ADAM17: variants seen among roughly 807,000 people sequenced by gnomAD.
ADAM17 encodes ADAM metallopeptidase domain 17.
Under a neutral mutation model 96.7 loss-of-function variants are expected in ADAM17, and 39 were observed. That is an observed-to-expected ratio of 0.40 (90% CI 0.31 to 0.53). ADAM17 has a LOEUF of 0.53. Among genes scored for constraint, ADAM17 ranks in the 20% least tolerant of loss-of-function variants. ADAM17 has a pLI of 0.44. For synonymous variants in ADAM17, 344 were observed against 359.2 expected (o/e 0.96, Z 0.48); for missense variants, 777 against 1,013.2 (o/e 0.77, Z 3.17).
Position 9,495,451 on chromosome 2 carries a change from G to A in ADAM17, c.1784-684C>T, listed in dbSNP as rs147279305. ...GAAAAGGCCGGGAGCAGTGGCTCTC[G>A]CTTGTAATCCCAGCACTTTGGGAGG... On this transcript the variant is annotated intron_variant, in intron 14 of 18. Coordinates refer to ENST00000310823, the MANE Select transcript of ADAM17 (RefSeq NM_003183.6). Among the ~76,000 whole-genome samples, 405 of 152,310 alleles carry A rather than the reference G, an allele frequency of 2.7e-3. 1 individual carries two copies. Among genetic ancestry groups the A allele is most frequent in the African/African-American group, 9.2e-3 (383 of 41,574 alleles).
At position 9,489,725 on chromosome 2, in the gene ADAM17, CAAA is replaced by C. The variant is rs548548539; in HGVS notation, c.*449_*451del. ...TATCTCCTTTGTTTTTAGTTGAAGG[CAAA>C]AAAAAAAAAAAAAAAAAAAAACTAT... On this transcript the variant is annotated 3_prime_UTR_variant, in exon 19 of 19. Coordinates refer to ENST00000310823, the MANE Select transcript of ADAM17 (RefSeq NM_003183.6). 0.061 allele frequency: 4,771 copies of C among 78,226 alleles called. 45 individuals carry two copies. Among genetic ancestry groups the C allele is most frequent in the Non-Finnish European group, 0.069 (2,945 of 42,572 alleles). The allele number at this position is 78,226 out of a possible 1,614,324, so 4.8% of individuals were successfully genotyped here. A position where few individuals can be genotyped will look rare whatever the true frequency, so the allele number is the denominator to read the frequency against.
rs185236085 is a variant in ADAM17, at chr2:9,502,315, T to G, written c.1545-39A>C. 2,145 of 1,525,252 alleles carry G rather than the reference T, an allele frequency of 1.4e-3. 12 individuals are homozygous for G. The highest frequency in any genetic ancestry group is 8.0e-4 in the Non-Finnish European group (881 of 1,104,190). 94.5% of individuals were successfully genotyped at this position (1,525,252 alleles called of 1,614,324 possible). A position where few individuals can be genotyped will look rare whatever the true frequency, so the allele number is the denominator to read the frequency against. On this transcript the variant is annotated intron_variant, in intron 12 of 18. Transcript: ENST00000310823. The stretch of plus-strand genomic sequence containing the variant: ...GCAGACAGGAACAGAGCAATTCAAA[T>G]TATGGCCCCATATCAAATCAAACGC...
intron 4 of ADAM17, among the ~76,000 whole-genome samples, chr2:9,535,198 G>A (rs571859901): frequency 2.0e-5 from 3 of 152,172 alleles, no homozygotes; most frequent in East Asian, 1.9e-4. Flanking sequence ...TTTCCCACAG[G>A]TGATCTATTT....
intron 11 of ADAM17, chr2:9,506,648 GCCA>G (rs981945743): frequency 1.3e-5 from 2 of 152,442 alleles, no homozygotes; most frequent in African/African-American, 2.4e-5. Context: ...ACAGGCGTGA[GCCA>G]CCGCGCCCGG....
chr2:9,516,075 T>C (rs1664042270), intron 10 of ADAM17, among the ~76,000 whole-genome samples: 1 of 152,094 alleles, frequency 6.6e-6, no homozygotes. Context: ...AGCTTCATTG[T>C]TAATTTGCAA....
intron 12 of ADAM17, among the ~76,000 whole-genome samples, chr2:9,503,157 AG>A (rs895862716): frequency 2.7e-5 from 4 of 150,844 alleles, no homozygotes; most frequent in Non-Finnish European, 3.0e-5. Flanking sequence ...AAAAAAGACA[AG>A]GAAAAAAAAA....
intron 14 of ADAM17, among the ~76,000 whole-genome samples, chr2:9,495,711 C>CAA (rs367778507): frequency 0.52 from 72,483 of 140,026 alleles, 19,213 homozygotes; most frequent in Middle Eastern, 0.68. Flanking sequence ...GACTCCATCT[C>CAA]AAAAAAAAAA....
intron 6 of ADAM17, among the ~76,000 whole-genome samples, chr2:9,524,227 C>T (rs1664430744): frequency 6.6e-6 from 1 of 152,138 alleles, no homozygotes; most frequent in African/African-American, 2.4e-5. Context: ...AGTGGCCGGG[C>T]ATAGTGGCTC....
rs1238459637 is a variant in ADAM17 at position 9,497,229 on chromosome 2, C to T, written c.1668G>A (p.Pro556=). The T allele has an allele frequency of 1.1e-5, 18 of 1,614,050 alleles. No individual in the cohort carries two copies. Among genetic ancestry groups the T allele is most frequent in the African/African-American group, 2.7e-5 (2 of 74,926 alleles). Residue 556 remains proline (P), a synonymous_variant, in exon 14 of 19, where the codon CCG becomes CCA. Coordinates refer to ENST00000310823, the MANE Select transcript of ADAM17 (RefSeq NM_003183.6). ...SYCTGNSSEC[P]PPGNAEDDTV... is the part of the protein sequence containing the mutation. The stretch of plus-strand genomic sequence containing the variant: ...TGTCATCTTCAGCATTTCCTGGAGG[C>T]GGGCACTCACTGCTATTACCTGGAA...
At chr2:9,531,532 T>C (rs946058897) in intron 4 of ADAM17, among the ~76,000 whole-genome samples, 2 of 151,546 alleles carry the variant, frequency 1.3e-5, no homozygotes, top group Non-Finnish European at 2.9e-5. Flanking sequence ...CAAAACCCTG[T>C]CTCTACCAAA....
At chr2:9,508,109 A>G (rs1178276788) in intron 11 of ADAM17, among the ~76,000 whole-genome samples, 1 of 152,166 alleles carries the variant, frequency 6.6e-6, no homozygotes, top group Non-Finnish European at 1.5e-5. Flanking sequence ...AAAGTAAAAC[A>G]TTTTGCTCCC....
chr2:9,534,459 G>A (rs781765362), intron 4 of ADAM17, among the ~76,000 whole-genome samples: 17 of 151,928 alleles, frequency 1.1e-4, no homozygotes, highest in East Asian at 3.9e-4. Context: ...CGCCTGAACC[G>A]GGGAGGCAGA....
At chr2:9,509,242 T>C (rs1449170500) in intron 11 of ADAM17, among the ~76,000 whole-genome samples, 1 of 152,244 alleles carries the variant, frequency 6.6e-6, no homozygotes, top group Admixed American at 6.5e-5. Context: ...GTGCAACTAT[T>C]GTTTTCCTCA....
chr2:9,538,553 T>C lies in ADAM17; in HGVS notation c.231-1725A>G, dbSNP rs572865239. Among the ~76,000 whole-genome samples, 3 of 152,324 alleles carry C rather than the reference T, an allele frequency of 2.0e-5. No individual in the cohort carries two copies. The South Asian group carries it at 6.2e-4, about 32-fold the overall frequency. On this transcript the variant is annotated intron_variant, in intron 2 of 18. Coordinates refer to ENST00000310823, the MANE Select transcript of ADAM17 (RefSeq NM_003183.6). ...GTTATGCTGAGAACTTTCAAAAGCA[T>C]ACTTATTATAAATGTCTTATTATTT...
In ADAM17 at chr2:9,502,285, G is replaced by T. The variant is rs917841285; in HGVS notation, c.1545-9C>A. ...AAGGACTGTTCCTGTCACTGGAGAA[G>T]AACAGCAGACAGGAACAGAGCAATT... On this transcript the variant is annotated splice_polypyrimidine_tract_variant and intron_variant, in intron 12 of 18. Transcript: ENST00000310823. 7 of 1,601,916 alleles carry T rather than the reference G, an allele frequency of 4.4e-6. No individual in the cohort carries two copies. The highest frequency in any genetic ancestry group is 1.1e-5 in the South Asian group (1 of 90,788).
Position 9,520,181 on chromosome 2 carries a change from G to A in ADAM17, c.957+1022C>T, listed in dbSNP as rs139205719. Among the ~76,000 whole-genome samples, 583 of 152,340 alleles carry A rather than the reference G, an allele frequency of 3.8e-3. 1 individual carries two copies. Among genetic ancestry groups the A allele is most frequent in the Middle Eastern group, 6.8e-3 (2 of 294 alleles). On this transcript the variant is annotated intron_variant, in intron 8 of 18. Coordinates refer to ENST00000310823, the MANE Select transcript of ADAM17 (RefSeq NM_003183.6). ...CATGCAAACTATGGGATAAATAAGT[G>A]TTGTTCTAAGCTGCTCCACTTGTGA...
At chr2:9,526,553 T>C (rs540402130) in intron 5 of ADAM17, among the ~76,000 whole-genome samples, 20 of 152,240 alleles carry the variant, frequency 1.3e-4, no homozygotes, top group African/African-American at 4.8e-4. Flanking sequence ...CCCAGCACTT[T>C]GCGAGGCCAA....
chr2:9,520,545 G>A (rs1664262231), intron 8 of ADAM17, among the ~76,000 whole-genome samples: 1 of 152,198 alleles, frequency 6.6e-6, no homozygotes, highest in South Asian at 2.1e-4. Flanking sequence ...TTCAGAGAGA[G>A]CTGAACTAAG....
chr2:9,521,167 T>C (rs1229560118), intron 8 of ADAM17, 36 bp downstream of exon 8: 2 of 1,439,718 alleles, frequency 1.4e-6, no homozygotes. Context: ...AATGACAAAG[T>C]GGTGTTAGCA....
Sources: gnomAD v4.1 joint callset for allele counts (sites outside exome capture counted in the v4.1 genomes callset) on GRCh38, gnomAD v4.1.1 for gene constraint, MANE v1.5 for transcripts, NCBI Gene and HGNC (gene_info 2026-07-23, HGNC 2026-07-21) for gene names.